PMS1: variants seen among roughly 807,000 people sequenced by gnomAD.
PMS1 encodes PMS1 protein homolog 1.
A neutral mutation model predicts 93.1 loss-of-function variants in PMS1; 79 were observed. The observed-to-expected ratio is 0.85, with a 90% confidence interval of 0.71 to 1.02. PMS1 has a LOEUF of 1.02. Ranked by LOEUF, PMS1 falls within the 50% of genes least tolerant of loss-of-function variation. The pLI is 0.00. For missense variants in PMS1, 1,064 were observed against 1,085.3 expected (o/e 0.98, Z 0.28); for synonymous variants, 335 against 363.4 (o/e 0.92, Z 0.89).
chr2:189,854,016 T>C lies in PMS1; in HGVS notation c.900T>C (p.Asp300=). ...RLYPVFFLKI[D]VPTADVDVNL... ...ATCCTGTTTTCTTTCTGAAAATCGATGTTCCTACAGCTGATGTTGATGTAA... is the reference window on the plus strand; with the variant it reads ...ATCCTGTTTTCTTTCTGAAAATCGACGTTCCTACAGCTGATGTTGATGTAA... Residue 300 remains aspartate, a synonymous_variant, in exon 8 of 13, where the codon GAT becomes GAC. Coordinates refer to ENST00000441310, the MANE Select transcript of PMS1 (RefSeq NM_000534.5). The C allele has an allele frequency of 6.2e-7, 1 of 1,609,042 alleles. No individual in the cohort carries two copies. Among genetic ancestry groups the C allele is most frequent in the Non-Finnish European group, 8.5e-7 (1 of 1,177,178 alleles).
In PMS1 at chr2:189,854,629, T is replaced by A. The variant is rs778843582; in HGVS notation, c.1357T>A (p.Tyr453Asn). ...NVSWENSQTE[Y>N]SKTCFISSVK... Reference sequence around the variant, plus strand: ...ATCATGGGAGAACTCTCAGACGGAATATAGTAAAACTTGTTTTATAAGTTC... The same window carrying A: ...ATCATGGGAGAACTCTCAGACGGAAAATAGTAAAACTTGTTTTATAAGTTC... Residue 453 changes from tyrosine to asparagine, a missense_variant, in exon 9 of 13, where the codon TAT becomes AAT. By Grantham distance (143) the Tyr-to-Asn change is moderately radical. Transcript: ENST00000441310. The A allele has an allele frequency of 7.4e-6, 12 of 1,613,988 alleles. 1 individual carries two copies. The South Asian group carries it at 1.3e-4, about 18-fold the overall frequency.
intron 3 of PMS1, among the ~76,000 whole-genome samples, chr2:189,804,984 G>T (rs1196543121): frequency 6.6e-6 from 1 of 151,952 alleles, no homozygotes; most frequent in East Asian, 1.9e-4. Context: ...TGAGGATGAA[G>T]CTAGCTCAAA....
intron 2 of PMS1, among the ~76,000 whole-genome samples, chr2:189,795,389 G>A (rs1575038561): frequency 1.3e-5 from 2 of 152,166 alleles, no homozygotes; most frequent in East Asian, 3.8e-4. Flanking sequence ...CGCTGATGGA[G>A]TTCTGTTCTG....
intron 5 of PMS1, among the ~76,000 whole-genome samples, chr2:189,821,266 C>G (rs969194181): frequency 2.6e-5 from 4 of 151,046 alleles, no homozygotes; most frequent in Non-Finnish European, 5.9e-5. Flanking sequence ...ACTATCCTGG[C>G]TAACACGGTG....
chr2:189,825,870 G>T (rs1282954840), intron 5 of PMS1, among the ~76,000 whole-genome samples: 2 of 151,888 alleles, frequency 1.3e-5, no homozygotes, highest in African/African-American at 4.9e-5. Flanking sequence ...TTGTTTCTTT[G>T]TATGTTTTGT....
At chr2:189,800,897 A>G (rs1292250329) in intron 3 of PMS1, among the ~76,000 whole-genome samples, 1 of 152,256 alleles carries the variant, frequency 6.6e-6, no homozygotes, top group East Asian at 1.9e-4. Context: ...AATCTAAAAT[A>G]CATCTAATTC....
chr2:189,862,924 A>G (rs2056172311), intron 9 of PMS1, among the ~76,000 whole-genome samples: 1 of 152,140 alleles, frequency 6.6e-6, no homozygotes, highest in African/African-American at 2.4e-5. Flanking sequence ...TTGGGTTCCC[A>G]CACATGGAAT....
Position 189,835,906 on chromosome 2 carries a change from CAA to C in PMS1, c.583-8037_583-8036del, listed in dbSNP as rs3067429. 6.5e-3 allele frequency among the ~76,000 whole-genome samples: 561 copies of C among 86,944 alleles called. 8 individuals are homozygous for C. Among genetic ancestry groups the C allele is most frequent in the Admixed American group, 0.048 (381 of 7,992 alleles). 57.0% of individuals were successfully genotyped at this position (86,944 alleles called of 152,430 possible). A position where few individuals can be genotyped will look rare whatever the true frequency, so the allele number is the denominator to read the frequency against. ...CACACCACTGTACTCTAGCCTGTCT[CAA>C]AAAAAAAAAAAAAAAAAAAATTCAT... On this transcript the variant is annotated intron_variant, in intron 5 of 12. Coordinates refer to ENST00000441310, the MANE Select transcript of PMS1 (RefSeq NM_000534.5).
At chr2:189,869,322 G>GC (rs2056931865) in intron 11 of PMS1, among the ~76,000 whole-genome samples, 1 of 152,166 alleles carries the variant, frequency 6.6e-6, no homozygotes, top group African/African-American at 2.4e-5. Flanking sequence ...CCATCCATTA[G>GC]CCCCCTTTAG....
intron 1 of PMS1, among the ~76,000 whole-genome samples, chr2:189,791,463 T>C (rs541773890): frequency 1.8e-4 from 27 of 151,898 alleles, no homozygotes; most frequent in Admixed American, 6.6e-5. Context: ...CTACTAAAAA[T>C]GTAAAAATTA....
rs1416709939 is a variant in PMS1 at position 189,854,399 on chromosome 2, C to G, written c.1127C>G (p.Ser376Cys). 6.2e-7 allele frequency: 1 copy of G among 1,603,208 alleles called. No individual in the cohort carries two copies. The part of the protein sequence containing the change: ...TDVLFNKVES[S>C]GKNYSNVDTS... ...GTGCTTTTTAATAAAGTGGAATCAT[C>G]TGGAAAGAATTATTCAAATGTTGAT... The change falls in exon 9 of 13, where the codon TCT becomes TGT. Residue 376 changes from serine to cysteine, a missense_variant. By Grantham distance (112) the Ser-to-Cys change is moderately radical. Transcript: ENST00000441310.
chr2:189,827,978 C>T (rs2052585981), intron 5 of PMS1, among the ~76,000 whole-genome samples: 1 of 152,062 alleles, frequency 6.6e-6, no homozygotes, highest in Non-Finnish European at 1.5e-5. Flanking sequence ...GGCTGGAGTG[C>T]AGTGGTGTGA....
At chr2:189,841,115 C>G (rs2053788125) in intron 5 of PMS1, among the ~76,000 whole-genome samples, 1 of 152,046 alleles carries the variant, frequency 6.6e-6, no homozygotes, top group Non-Finnish European at 1.5e-5. Context: ...TGTTTAGAGC[C>G]AAAAAGATTG....
chr2:189,834,922 G>T (rs1559276699), intron 5 of PMS1, among the ~76,000 whole-genome samples: 2 of 152,128 alleles, frequency 1.3e-5, no homozygotes, highest in Admixed American at 6.6e-5. Flanking sequence ...TAGAGACAGG[G>T]TCTCACTGTG....
chr2:189,851,138 C>G (rs773741159), intron 6 of PMS1, among the ~76,000 whole-genome samples: 3 of 152,112 alleles, frequency 2.0e-5, no homozygotes, highest in Non-Finnish European at 4.4e-5. Context: ...TTTTATTTTA[C>G]TTTGCCATGT....
chr2:189,796,066 T>G (rs1434916255), intron 3 of PMS1, 115 bp downstream of exon 3: 1 of 859,078 alleles, frequency 1.2e-6, no homozygotes, highest in African/African-American at 1.7e-5. Flanking sequence ...TGGTAAAATA[T>G]ACATAACATA....
chr2:189,841,885 A>G, intron 5 of PMS1, among the ~76,000 whole-genome samples: 1 of 152,054 alleles, frequency 6.6e-6, no homozygotes, highest in Non-Finnish European at 1.5e-5. Flanking sequence ...TTTCAACAAA[A>G]GACCTCCTTT....
chr2:189,874,651 G>A (rs2057412080), intron 12 of PMS1, among the ~76,000 whole-genome samples: 1 of 152,142 alleles, frequency 6.6e-6, no homozygotes, highest in Non-Finnish European at 1.5e-5. Flanking sequence ...TTTACAGTTG[G>A]TAGTGTGCCT....
intron 5 of PMS1, 59 bp downstream of exon 5, chr2:189,818,239 C>G: frequency 8.9e-7 from 1 of 1,119,536 alleles, no homozygotes; most frequent in Non-Finnish European, 1.3e-6. Context: ...ACAATGTATA[C>G]TTTATAAATC....
Sources: allele counts gnomAD v4.1 joint callset (sites outside exome capture counted in the v4.1 genomes callset), GRCh38; gene constraint gnomAD v4.1.1; transcripts MANE v1.5; gene names NCBI Gene and HGNC (gene_info 2026-07-23, HGNC 2026-07-21).